Variants in FAT3 observed in about 807,000 individuals in gnomAD.
FAT3 encodes the protein FAT atypical cadherin 3.
In FAT3, 95 loss-of-function variants were observed where a neutral mutation model predicts 310.2. The ratio of observed to expected loss-of-function variants is 0.31; its 90% confidence interval spans 0.26 to 0.36. The LOEUF (loss-of-function observed/expected upper bound fraction) is 0.36, where lower values mean the gene tolerates loss of function less well. Among genes scored for constraint, FAT3 ranks in the 10% least tolerant of loss-of-function variants. FAT3 has a pLI of 1.00. For missense variants in FAT3, 5,408 were observed against 5,715.6 expected, an observed-to-expected ratio of 0.95 and a Z score of 1.74; for synonymous variants, 2,314 against 2,192.9, an observed-to-expected ratio of 1.06 and a Z score of -1.54.
In FAT3 at chr11:92,789,977, G is replaced by T; in HGVS notation, c.4370G>T (p.Gly1457Val). The T allele has an allele frequency of 6.2e-7, 1 of 1,613,656 alleles. No individual in the cohort carries two copies. The highest frequency in any genetic ancestry group is 8.5e-7 in the Non-Finnish European group (1 of 1,179,696). ...FIKVLDNNDN[G>V]PEFSQPNYDV... ...AAAGTGCTGGATAATAATGATAATG[G>T]CCCAGAATTCTCTCAGCCGAATTAC... Residue 1457 changes from glycine to valine, a missense_variant, in exon 8 of 28, where the codon GGC becomes GTC. This residue lies in a region of FAT3 where 4,588 missense variants were observed against 4,809.8 expected (regional missense o/e 0.95). Coordinates refer to ENST00000525166, the MANE Select transcript of FAT3 (RefSeq NM_001367949.2).
intron 3 of FAT3, among the ~76,000 whole-genome samples, chr11:92,554,741 A>G (rs2135450702): frequency 6.6e-6 from 1 of 152,240 alleles, no homozygotes; most frequent in East Asian, 1.9e-4. Context: ...TGCTGGTTAC[A>G]GGCAAAGTCT....
At chr11:92,838,968 C>G (rs928024273) in intron 17 of FAT3, among the ~76,000 whole-genome samples, 4 of 152,172 alleles carry the variant, frequency 2.6e-5, no homozygotes, top group Non-Finnish European at 4.4e-5. Context: ...TCACCACACT[C>G]CTGCTTCCCC....
In FAT3 at chr11:92,288,008, G is replaced by T. The variant is rs187993065; in HGVS notation, c.-18+62834G>T. On this transcript the variant is annotated intron_variant, in intron 1 of 27. Coordinates refer to ENST00000525166, the MANE Select transcript of FAT3 (RefSeq NM_001367949.2). ...GGAGGCACGTCTTTGTAAAATGGAAGTTGTTGCTGGGCTGAGAAGTACCTT... is the reference window on the plus strand; with the variant it reads ...GGAGGCACGTCTTTGTAAAATGGAATTTGTTGCTGGGCTGAGAAGTACCTT... Among the ~76,000 whole-genome samples the T allele has an allele frequency of 5.9e-5, 9 of 152,264 alleles. No homozygotes were observed. The East Asian group carries it at 1.7e-3, about 29-fold the overall frequency.
chr11:92,845,733 T>C (rs552779129), intron 19 of FAT3, among the ~76,000 whole-genome samples: 2 of 152,300 alleles, frequency 1.3e-5, no homozygotes, highest in East Asian at 3.9e-4. Flanking sequence ...AAAGGGACCA[T>C]GGCCAGAGGG....
intron 2 of FAT3, among the ~76,000 whole-genome samples, chr11:92,388,096 C>CT (rs1405504473): frequency 6.6e-6 from 1 of 152,124 alleles, no homozygotes; most frequent in Admixed American, 6.6e-5. Flanking sequence ...TTAGCACTGA[C>CT]TATCATTTTT....
Position 92,837,666 on chromosome 11 carries a change from T to C in FAT3, c.10228T>C (p.Ser3410Pro), listed in dbSNP as rs754782054. Residue 3410 changes from serine (S) to proline (P), a missense_variant, in exon 17 of 28, where the codon TCT becomes CCT. Physicochemically the swap from Ser to Pro is moderately conservative, Grantham distance 74 (BLOSUM62 -1). This residue lies in a region of FAT3 where 4,588 missense variants were observed against 4,809.8 expected (regional missense o/e 0.95). Transcript: ENST00000525166. The stretch of plus-strand genomic sequence containing the variant: ...TCACCTCTTTGTACCTTGGCAGGTG[T>C]CTGGATACTCTCTGCTTGTCCAGGC... Reference protein sequence around the residue: ...VKKKLDRERVSGYSLLVQAVD... With the variant: ...VKKKLDRERVPGYSLLVQAVD... The C allele has an allele frequency of 1.2e-6, 2 of 1,613,758 alleles. No individual in the cohort carries two copies. Among genetic ancestry groups the C allele is most frequent in the South Asian group, 1.1e-5 (1 of 91,066 alleles).
chr11:92,595,599 T>C (rs1939664939), intron 3 of FAT3, among the ~76,000 whole-genome samples: 1 of 152,304 alleles, frequency 6.6e-6, no homozygotes, highest in Admixed American at 6.5e-5. Flanking sequence ...GAACAAGACC[T>C]TTGTAACTCA....
At chr11:92,597,601 G>C (rs1939777630) in intron 3 of FAT3, among the ~76,000 whole-genome samples, 1 of 152,140 alleles carries the variant, frequency 6.6e-6, no homozygotes, top group Non-Finnish European at 1.5e-5. Flanking sequence ...CTCCCTGGGA[G>C]GGTGCAGAAA....
rs535482662 is a variant in FAT3 at position 92,718,236 on chromosome 11, C to T, written c.3669+20791C>T. Reference sequence around the variant, plus strand: ...GGAAAGTCAAGACCATGATGCCACACACACACCAAAAGTATATGTAAAGGT... The same window carrying T: ...GGAAAGTCAAGACCATGATGCCACATACACACCAAAAGTATATGTAAAGGT... On this transcript the variant is annotated intron_variant, in intron 4 of 27. Coordinates refer to ENST00000525166, the MANE Select transcript of FAT3 (RefSeq NM_001367949.2). Among the ~76,000 whole-genome samples, 24 of 152,308 alleles carry T rather than the reference C, an allele frequency of 1.6e-4. No homozygotes were observed. The South Asian group carries it at 4.6e-3, about 29-fold the overall frequency.
chr11:92,558,780 A>G (rs772295387), intron 3 of FAT3, among the ~76,000 whole-genome samples: 1 of 152,182 alleles, frequency 6.6e-6, no homozygotes, highest in Admixed American at 6.5e-5. Flanking sequence ...ACAAAGAGCT[A>G]ACTTTTGGAA....
intron 2 of FAT3, among the ~76,000 whole-genome samples, chr11:92,514,391 A>G (rs370226331): frequency 2.0e-5 from 3 of 152,194 alleles, no homozygotes; most frequent in East Asian, 1.9e-4. Flanking sequence ...TGTATTTCTA[A>G]TGAATTTTGA....
At chr11:92,854,396 T>A (rs1948916775) in intron 19 of FAT3, among the ~76,000 whole-genome samples, 2 of 152,058 alleles carry the variant, frequency 1.3e-5, no homozygotes, top group Non-Finnish European at 2.9e-5. Flanking sequence ...GGGTTCACAC[T>A]TGCCAACTCA....
At chr11:92,532,559 T>C (rs1387405076) in intron 3 of FAT3, among the ~76,000 whole-genome samples, 1 of 152,168 alleles carries the variant, frequency 6.6e-6, no homozygotes, top group Non-Finnish European at 1.5e-5. Flanking sequence ...TAGAATCCAT[T>C]AGAGAAAAAA....
chr11:92,669,215 G>A (rs1385689042), intron 3 of FAT3, among the ~76,000 whole-genome samples: 1 of 152,078 alleles, frequency 6.6e-6, no homozygotes, highest in Non-Finnish European at 1.5e-5. Context: ...TTTTTACCTG[G>A]AGAATTAATT....
chr11:92,894,521 G>T lies in FAT3; in HGVS notation c.*3408G>T, dbSNP rs759291511. On this transcript the variant is annotated 3_prime_UTR_variant, in exon 28 of 28. Coordinates refer to ENST00000525166, the MANE Select transcript of FAT3 (RefSeq NM_001367949.2). ...TCCTGGAAGCCATTTCCCATAATCT[G>T]TTGTAGGCACTTTACTAGTATTGCA... 1 of 152,158 alleles carries T rather than the reference G, an allele frequency of 6.6e-6. No individual in the cohort carries two copies. Among genetic ancestry groups the T allele is most frequent in the Admixed American group, 6.5e-5 (1 of 15,272 alleles). 9.4% of individuals were successfully genotyped at this position (152,158 alleles called of 1,614,324 possible). A position where few individuals can be genotyped will look rare whatever the true frequency, so the allele number is the denominator to read the frequency against.
At chr11:92,696,059 TTTAA>T (rs1343163918) in intron 3 of FAT3, among the ~76,000 whole-genome samples, 17 of 152,184 alleles carry the variant, frequency 1.1e-4, no homozygotes, top group African/African-American at 4.1e-4. Context: ...ATTCACTTGA[TTTAA>T]TTATTTCACA....
At chr11:92,398,521 A>T (rs1949937885) in intron 2 of FAT3, among the ~76,000 whole-genome samples, 1 of 149,846 alleles carries the variant, frequency 6.7e-6, no homozygotes, top group African/African-American at 2.5e-5. Flanking sequence ...AAAAAAAAAA[A>T]AAGTCATCTT....
At position 92,355,027 on chromosome 11, in the gene FAT3, G is replaced by C. The variant is rs1382417399; in HGVS notation, c.2915G>C (p.Arg972Pro). Residue 972 changes from arginine to proline, a missense_variant, in exon 2 of 28, where the codon CGC (arginine) becomes CCC (proline). Arg to Pro is a moderately radical substitution (Grantham distance 103, BLOSUM62 -2). Coordinates refer to ENST00000525166, the MANE Select transcript of FAT3 (RefSeq NM_001367949.2). Reference sequence around the variant, plus strand: ...GATCTTGGACTGGGGGGTCAAGTGCGCTATTCTTTGGTCAATGACTATAAT... The same window carrying C: ...GATCTTGGACTGGGGGGTCAAGTGCCCTATTCTTTGGTCAATGACTATAAT... ...DPDLGLGGQV[R>P]YSLVNDYNGR... 1 of 1,613,770 alleles carries C rather than the reference G, an allele frequency of 6.2e-7. No individual in the cohort carries two copies.
At chr11:92,420,737 G>A (rs2134976475) in intron 2 of FAT3, among the ~76,000 whole-genome samples, 1 of 152,110 alleles carries the variant, frequency 6.6e-6, no homozygotes, top group African/African-American at 2.4e-5. Flanking sequence ...TATACAAACA[G>A]ATTAAAGTGC....
Sources: gnomAD v4.1 joint callset for allele counts (sites outside exome capture counted in the v4.1 genomes callset) on GRCh38, gnomAD v4.1.1 for gene constraint, gnomAD v4.1.1 regional missense constraint, MANE v1.5 for transcripts, NCBI Gene and HGNC (gene_info 2026-07-23, HGNC 2026-07-21) for gene names.